The following NRXN3 variants were observed in gnomAD, a reference collection of about 807,000 sequenced individuals.
NRXN3 encodes neurexin 3.
Under a neutral mutation model 137.6 loss-of-function variants are expected in NRXN3, and 32 were observed. That is an observed-to-expected ratio of 0.23 (90% CI 0.18 to 0.31). NRXN3 has a LOEUF of 0.31. Ranked by LOEUF, NRXN3 falls within the 10% of genes least tolerant of loss-of-function variation. The probability of loss-of-function intolerance (pLI) is 1.00; values close to 1 mark genes in which losing one functional copy is unlikely to be tolerated. For missense variants in NRXN3, 1,574 were observed against 2,062.5 expected, an observed-to-expected ratio of 0.76 and a Z score of 4.59; for synonymous variants, 798 against 784.5, an observed-to-expected ratio of 1.02 and a Z score of -0.29.
chr14:78,799,821 C>T (rs368648180), intron 8 of NRXN3, among the ~76,000 whole-genome samples: 25 of 151,910 alleles, frequency 1.6e-4, no homozygotes, highest in African/African-American at 6.0e-4. Flanking sequence ...GTTATAAAAC[C>T]ATCAGATCTT....
intron 4 of NRXN3, among the ~76,000 whole-genome samples, chr14:78,421,026 A>G (rs1157193091): frequency 1.3e-5 from 2 of 152,182 alleles, no homozygotes; most frequent in Non-Finnish European, 2.9e-5. Context: ...AGAAAATGTG[A>G]TTACAAGGCA....
chr14:79,140,658 A>G lies in NRXN3; in HGVS notation c.3262+152517A>G, dbSNP rs546387655. On this transcript the variant is annotated intron_variant, in intron 15 of 20. Transcript: ENST00000335750. Reference sequence around the variant, plus strand: ...TGGTTTGTTACCAAAAAATCCATGTAAGCTCAAGTCACCTAAATAAAAACT... The same window carrying G: ...TGGTTTGTTACCAAAAAATCCATGTGAGCTCAAGTCACCTAAATAAAAACT... Among the ~76,000 whole-genome samples the G allele has an allele frequency of 5.9e-5, 9 of 151,744 alleles. No homozygotes were observed. In the South Asian group the frequency reaches 1.9e-3, roughly 32 times the overall value.
At chr14:78,643,627 A>C (rs112122517) in intron 4 of NRXN3, among the ~76,000 whole-genome samples, 1,818 of 152,306 alleles carry the variant, frequency 0.012, 51 homozygotes, top group African/African-American at 0.042. Context: ...GGAGTTCTGC[A>C]TTGGGAAATA....
intron 15 of NRXN3, among the ~76,000 whole-genome samples, chr14:79,358,944 A>C (rs1472570751): frequency 6.6e-6 from 1 of 152,222 alleles, no homozygotes; most frequent in African/African-American, 2.4e-5. Flanking sequence ...TCGATGCAGG[A>C]AGTTAATGGG....
intron 15 of NRXN3, among the ~76,000 whole-genome samples, chr14:79,385,451 G>C (rs899267996): frequency 1.3e-5 from 2 of 151,946 alleles, no homozygotes; most frequent in Non-Finnish European, 2.9e-5. Context: ...TCTTAATCCA[G>C]TCTATCATTG....
At chr14:79,492,624 C>T (rs925002256) in intron 16 of NRXN3, among the ~76,000 whole-genome samples, 2 of 152,142 alleles carry the variant, frequency 1.3e-5, no homozygotes, top group Non-Finnish European at 2.9e-5. Context: ...CTCAATGATC[C>T]ACCTGCCTTG....
At chr14:78,432,663 C>T (rs905356124) in intron 4 of NRXN3, among the ~76,000 whole-genome samples, 1 of 152,180 alleles carries the variant, frequency 6.6e-6, no homozygotes, top group Admixed American at 6.5e-5. Context: ...GTTATATTGT[C>T]TTCTAATTCC....
chr14:79,558,437 G>T (rs970518529), intron 16 of NRXN3, among the ~76,000 whole-genome samples: 1 of 152,096 alleles, frequency 6.6e-6, no homozygotes, highest in African/African-American at 2.4e-5. Context: ...CAGAATGGAT[G>T]CTATGTTATC....
intron 19 of NRXN3, among the ~76,000 whole-genome samples, chr14:79,784,129 T>G (rs746745472): frequency 3.0e-4 from 46 of 152,204 alleles, no homozygotes; most frequent in Non-Finnish European, 5.9e-4. Flanking sequence ...ATAAATTAGT[T>G]TATGCATATT....
At chr14:79,018,759 G>A (rs2099584007) in intron 15 of NRXN3, among the ~76,000 whole-genome samples, 1 of 152,110 alleles carries the variant, frequency 6.6e-6, no homozygotes, top group Non-Finnish European at 1.5e-5. Flanking sequence ...CCTATTGCTA[G>A]TGTCTCAATA....
At chr14:79,565,300 T>C (rs1157954866) in intron 16 of NRXN3, among the ~76,000 whole-genome samples, 2 of 143,648 alleles carry the variant, frequency 1.4e-5, no homozygotes, top group Non-Finnish European at 3.0e-5. Flanking sequence ...CACATGTGTA[T>C]ATACATATAC....
intron 2 of NRXN3, among the ~76,000 whole-genome samples, chr14:78,255,438 T>A (rs1055201386): frequency 1.3e-5 from 2 of 152,222 alleles, no homozygotes; most frequent in Non-Finnish European, 2.9e-5. Flanking sequence ...ACTTTGCTAT[T>A]TGCTCTTCCT....
chr14:79,770,113 G>C (rs1489151665), intron 19 of NRXN3, among the ~76,000 whole-genome samples: 4 of 151,588 alleles, frequency 2.6e-5, no homozygotes, highest in East Asian at 3.9e-4. Context: ...GGAGCACCCA[G>C]ATTCATAAAG....
chr14:79,675,040 C>CTAT (rs1165321023), intron 17 of NRXN3, among the ~76,000 whole-genome samples: 1 of 151,764 alleles, frequency 6.6e-6, no homozygotes, highest in Non-Finnish European at 1.5e-5. Flanking sequence ...GAAAGGGGTC[C>CTAT]TATTATTATT....
intron 19 of NRXN3, among the ~76,000 whole-genome samples, chr14:79,790,615 C>CTTTTTTTTTTTT (rs34493154): frequency 1.4e-5 from 1 of 73,110 alleles, no homozygotes; most frequent in Non-Finnish European, 2.5e-5. Flanking sequence ...GGCCCAGGCT[C>CTTTTTTTTTTTT]TTTTTTTTTT....
intron 19 of NRXN3, among the ~76,000 whole-genome samples, chr14:79,773,765 A>ACTT (rs1311824287): frequency 6.6e-6 from 1 of 151,436 alleles, no homozygotes; most frequent in Non-Finnish European, 1.5e-5. Flanking sequence ...GTACCCTAAA[A>ACTT]CTTAGAGTAT....
At chr14:79,280,331 C>A in intron 15 of NRXN3, 1 of 1,614,070 alleles carries the variant, frequency 6.2e-7, no homozygotes, top group Non-Finnish European at 8.5e-7. Context: ...CCCTCCTCGC[C>A]GGCCGGCCTG....
rs936555841 is a variant in NRXN3 at position 78,978,389 on chromosome 14, C to T, written c.3143-9633C>T. On this transcript the variant is annotated intron_variant, in intron 14 of 20. Transcript: ENST00000335750. Reference sequence around the variant, plus strand: ...TATAAAATGTGACCTAGAGTATTCGCGTCTCAGTGGATTCACTTGACATTT... The same window carrying T: ...TATAAAATGTGACCTAGAGTATTCGTGTCTCAGTGGATTCACTTGACATTT... Among the ~76,000 whole-genome samples, 4 of 151,992 alleles carry T rather than the reference C, an allele frequency of 2.6e-5. No homozygotes were observed. The South Asian group carries it at 6.2e-4, about 24-fold the overall frequency.
chr14:79,360,857 G>GCATA (rs1212370915), intron 15 of NRXN3, among the ~76,000 whole-genome samples: 1 of 152,206 alleles, frequency 6.6e-6, no homozygotes, highest in Non-Finnish European at 1.5e-5. Flanking sequence ...TAAAATGGAG[G>GCATA]CATAACTTTT....
Sources: allele counts gnomAD v4.1 joint callset (sites outside exome capture counted in the v4.1 genomes callset), GRCh38; gene constraint gnomAD v4.1.1; transcripts MANE v1.5; gene names NCBI Gene and HGNC (gene_info 2026-07-23, HGNC 2026-07-21).